ERI2: variants seen among roughly 807,000 people sequenced by gnomAD.
ERI2 encodes ERI1 exoribonuclease 2.
Under a neutral mutation model 46.8 loss-of-function variants are expected in ERI2, and 35 were observed. The observed-to-expected ratio is 0.75, with a 90% CI of 0.57 to 0.99. The LOEUF is 0.99. Ranked by LOEUF, ERI2 falls within the 50% of genes least tolerant of loss-of-function variation. ERI2 has a pLI of 0.00. For synonymous variants in ERI2, 224 were observed against 271.0 expected, an observed-to-expected ratio of 0.83 and a Z score of 1.70; for missense variants, 695 against 796.2, an observed-to-expected ratio of 0.87 and a Z score of 1.53.
At chr16:20,786,647 C>T (rs1247880391) in intron 10 of ERI2, among the ~76,000 whole-genome samples, 1 of 152,236 alleles carries the variant, frequency 6.6e-6, no homozygotes, top group Non-Finnish European at 1.5e-5. Flanking sequence ...CACACCACTG[C>T]ACTCTAACCT....
rs1596547006 is a variant in ERI2, at chr16:20,797,130, G to A, written c.*594C>T. ...GTTATGATATCAGAGGCTAAATTTT[G>A]AAATAAAATATTTGGCAAATTCCTC... On this transcript the variant is annotated 3_prime_UTR_variant, in exon 9 of 9. Transcript: ENST00000357967. 2 of 1,364,536 alleles carry A rather than the reference G, an allele frequency of 1.5e-6. No individual in the cohort carries two copies. The highest frequency in any genetic ancestry group is 6.0e-5 in the East Asian group (2 of 33,606). 84.5% of individuals were successfully genotyped at this position (1,364,536 alleles called of 1,614,324 possible).
At chr16:20,804,549 C>T (rs1341936153) in intron 1 of ERI2, among the ~76,000 whole-genome samples, 1 of 152,058 alleles carries the variant, frequency 6.6e-6, no homozygotes, top group African/African-American at 2.4e-5. Flanking sequence ...ACCTGTAGTC[C>T]CAACTACTCA....
At chr16:20,784,900 A>G (rs2080437192) in intron 10 of ERI2, 2 of 1,466,448 alleles carry the variant, frequency 1.4e-6, no homozygotes, top group Non-Finnish European at 1.8e-6. Context: ...AACATTTTAT[A>G]TTGAAGTTCA....
chr16:20,782,685 G>T (rs892642878), intron 10 of ERI2, among the ~76,000 whole-genome samples: 1 of 152,142 alleles, frequency 6.6e-6, no homozygotes, highest in Non-Finnish European at 1.5e-5. Flanking sequence ...CTAATCACAA[G>T]TCCAGGCTGT....
Position 20,796,605 on chromosome 16 carries a change from G to C in ERI2, c.*1119C>G, listed in dbSNP as rs2080729330. The C allele has an allele frequency of 1.9e-6, 3 of 1,544,308 alleles. No homozygotes were observed. The highest frequency in any genetic ancestry group is 1.2e-5 in the South Asian group (1 of 81,250). ...CATGCTGCACCACATGTCCCAAACT[G>C]AACTGATGACATATGGGTAAGAATC... On this transcript the variant is annotated 3_prime_UTR_variant, in exon 9 of 9. Transcript: ENST00000357967.
chr16:20,800,344 A>G lies in ERI2; in HGVS notation c.519T>C (p.Pro173=). ...YECKRKQLLK[P]VFLNSWIDLR... ...GATCAATCCAAGAATTTAAAAACACAGGTTTTAACAGCTGCTTTCTTTTAC... is the reference window on the plus strand; with the variant it reads ...GATCAATCCAAGAATTTAAAAACACGGGTTTTAACAGCTGCTTTCTTTTAC... The change falls in exon 6 of 9, where the codon CCT becomes CCC. Residue 173 remains proline, a synonymous_variant. Transcript: ENST00000357967. 8 of 1,610,438 alleles carry G rather than the reference A, an allele frequency of 5.0e-6. No homozygotes were observed. The highest frequency in any genetic ancestry group is 6.8e-6 in the Non-Finnish European group (8 of 1,177,830).
At chr16:20,800,245 AAAG>A in intron 6 of ERI2, 54 bp downstream of exon 6, 1 of 1,240,086 alleles carries the variant, frequency 8.1e-7, no homozygotes, top group Non-Finnish European at 1.2e-6. Flanking sequence ...GTGTAGGATA[AAAG>A]TTAATCATTT....
chr16:20,801,118 G>A, intron 5 of ERI2, 85 bp downstream of exon 5: 1 of 1,210,428 alleles, frequency 8.3e-7, no homozygotes, highest in Non-Finnish European at 1.1e-6. Flanking sequence ...ATAATTCTAG[G>A]TTAGCAAGTA....
chr16:20,797,982 A>G lies in ERI2; in HGVS notation c.1818T>C (p.Leu606=). Residue 606 remains leucine (L), a synonymous_variant, in exon 9 of 9, where the codon CTT becomes CTC. Coordinates refer to ENST00000357967, the MANE Select transcript of ERI2 (RefSeq NM_001142725.2). ...GGTTCGGTCCATTATTAGAAACAAC[A>G]AGTCTCTTAGATCTCCGACCACACT... ...LCKCGRRSKR[L]VVSNNGPNHG... is the part of the protein sequence containing the mutation. The G allele has an allele frequency of 6.4e-7, 1 of 1,551,950 alleles. No homozygotes were observed. The highest frequency in any genetic ancestry group is 2.4e-5 in the East Asian group (1 of 40,908).
Position 20,801,360 on chromosome 16 carries a change from C to T in ERI2, c.304-1G>A, listed in dbSNP as rs1479494051. ...GAGGGACTCCTTCATCAACTTGAGC[C>T]TGAGTAGAGAGTCACAAAAGCTGAA... On this transcript the variant is annotated splice_acceptor_variant, in intron 4 of 8. Coordinates refer to ENST00000357967, the MANE Select transcript of ERI2 (RefSeq NM_001142725.2). LOFTEE classifies it high-confidence loss of function. The T allele has an allele frequency of 6.3e-7, 1 of 1,587,582 alleles. No individual in the cohort carries two copies. The highest frequency in any genetic ancestry group is 8.6e-7 in the Non-Finnish European group (1 of 1,169,390).
chr16:20,784,943 AT>A (rs781063792), intron 10 of ERI2: 1 of 1,582,784 alleles, frequency 6.3e-7, no homozygotes, highest in Non-Finnish European at 8.6e-7. Context: ...ACTTCTCTCC[AT>A]TTTTCCTCCT....
At chr16:20,806,018 G>C (rs1266255083) in intron 1 of ERI2, 1 of 1,153,578 alleles carries the variant, frequency 8.7e-7, no homozygotes. Flanking sequence ...ACAGCACCGA[G>C]GAACGAGCAT....
In ERI2 at chr16:20,799,304, T is replaced by C; in HGVS notation, c.691A>G (p.Arg231Gly). The change falls in exon 8 of 9, where the codon AGA (arginine) becomes GGA (glycine). Residue 231 changes from arginine (R) to glycine (G), a missense_variant. By Grantham distance (125) the Arg-to-Gly change is moderately radical (BLOSUM62 -2). Coordinates refer to ENST00000357967, the MANE Select transcript of ERI2 (RefSeq NM_001142725.2). ...GTAATTTTCATTACACAACCATCTCTGATCATTTTCCAAGCAAGAAGGGCA... is the reference window on the plus strand; with the variant it reads ...GTAATTTTCATTACACAACCATCTCCGATCATTTTCCAAGCAAGAAGGGCA... ...NTALLAWKMIRDGCVMKITRS... is the reference protein window; with the variant it reads ...NTALLAWKMIGDGCVMKITRS... 1 of 1,613,780 alleles carries C rather than the reference T, an allele frequency of 6.2e-7. No homozygotes were observed. Among genetic ancestry groups the C allele is most frequent in the South Asian group, 1.1e-5 (1 of 91,070 alleles).
In ERI2 at chr16:20,786,275, G is replaced by A. The variant is rs368200327; in HGVS notation, c.894+3204C>T. On this transcript the variant is annotated intron_variant, in intron 10 of 10. Transcript: ENST00000300005. ...GATGGTGATTCCATTTTACTTCCATGATACTTTAATTTTTATAAATATGTG... is the reference window on the plus strand; with the variant it reads ...GATGGTGATTCCATTTTACTTCCATAATACTTTAATTTTTATAAATATGTG... The A allele has an allele frequency of 1.7e-3, 2,502 of 1,444,752 alleles. 4 individuals are homozygous for A. The highest frequency in any genetic ancestry group is 2.1e-3 in the Non-Finnish European group (2,316 of 1,093,138). The allele number at this position is 1,444,752 out of a possible 1,614,324, so 89.5% of individuals were successfully genotyped here.
Position 20,786,198 on chromosome 16 carries a change from AT to A in ERI2, c.894+3280del. 6.2e-6 allele frequency: 10 copies of A among 1,604,842 alleles called. No individual in the cohort carries two copies. The Middle Eastern group carries it at 1.2e-3, about 186-fold the overall frequency. On this transcript the variant is annotated intron_variant, in intron 10 of 10. Coordinates refer to the ERI2 transcript ENST00000300005. ...TTCCAGGAGAATGTTTAACAACCCA[AT>A]CTGTACACTACCTACCTACCGCTTA... is the stretch of plus-strand genomic sequence containing the variant.
In ERI2 at chr16:20,803,620, A is replaced by G. The variant is rs747068689; in HGVS notation, c.74T>C (p.Leu25Pro). 6.2e-7 allele frequency: 1 copy of G among 1,614,208 alleles called. No individual in the cohort carries two copies. The highest frequency in any genetic ancestry group is 1.1e-5 in the South Asian group (1 of 91,076). The change falls in exon 2 of 9, where the codon CTC becomes CCC. Residue 25 changes from leucine to proline, a missense_variant. Physicochemically the swap from Leu to Pro is moderately conservative, Grantham distance 98. Transcript: ENST00000357967. ...RKSIAPANGNLGRSKSKQLFD... is the reference protein window; with the variant it reads ...RKSIAPANGNPGRSKSKQLFD... Reference sequence around the variant, plus strand: ...CTACTCACTGGATTTGCTTCTTCCGAGATTTCCATTTGCTGGCGCAATTGA... The same window carrying G: ...CTACTCACTGGATTTGCTTCTTCCGGGATTTCCATTTGCTGGCGCAATTGA...
At chr16:20,799,163 G>A in intron 8 of ERI2, 96 bp from the exon 9 acceptor site, 1 of 1,506,036 alleles carries the variant, frequency 6.6e-7, no homozygotes. Flanking sequence ...AAATGTCATT[G>A]ATTTATAAAT....
chr16:20,785,240 T>C, intron 10 of ERI2: 10 of 1,277,502 alleles, frequency 7.8e-6, no homozygotes, highest in Non-Finnish European at 1.1e-5. Context: ...AAAAAAACAA[T>C]GCTTGCAAGA....
At chr16:20,801,108 A>G (rs985657302) in intron 5 of ERI2, 95 bp downstream of exon 5, 5 of 1,161,856 alleles carry the variant, frequency 4.3e-6, no homozygotes, top group African/African-American at 3.2e-5. Context: ...ATTAACAAAC[A>G]TAATTCTAGG....
Sources: allele counts gnomAD v4.1 joint callset (sites outside exome capture counted in the v4.1 genomes callset), GRCh38; gene constraint gnomAD v4.1.1; transcripts MANE v1.5; gene names NCBI Gene and HGNC (gene_info 2026-07-23, HGNC 2026-07-21).